STAB2: variants seen among roughly 807,000 people sequenced by gnomAD.
STAB2 encodes stabilin-2.
STAB2 carries 288 observed loss-of-function variants against 338.1 expected under a neutral mutation model. That is an observed-to-expected ratio of 0.85 (90% CI 0.77 to 0.94). The LOEUF is 0.94. Ranked by LOEUF, STAB2 falls within the 40% of genes least tolerant of loss-of-function variation. The pLI is 0.00. For missense variants in STAB2, 3,141 were observed against 3,210.1 expected, an observed-to-expected ratio of 0.98 and a Z score of 0.52; for synonymous variants, 1,202 against 1,193.3, an observed-to-expected ratio of 1.01 and a Z score of -0.15.
In STAB2 at chr12:103,677,478, G is replaced by A; in HGVS notation, c.2672G>A (p.Gly891Asp). 6.2e-7 allele frequency: 1 copy of A among 1,612,704 alleles called. No homozygotes were observed. The highest frequency in any genetic ancestry group is 1.1e-5 in the South Asian group (1 of 91,008). The change falls in exon 25 of 69, where the codon GGC becomes GAC. Residue 891 changes from glycine to aspartate, a missense_variant. Coordinates refer to ENST00000388887, the MANE Select transcript of STAB2 (RefSeq NM_017564.10). ...GCAGAATGCATCAAAACTGGCACGGGCACCCACACCTGCGTGTGTCAGCAG... is the reference window on the plus strand; with the variant it reads ...GCAGAATGCATCAAAACTGGCACGGACACCCACACCTGCGTGTGTCAGCAG... ...RNAECIKTGT[G>D]THTCVCQQGW...
chr12:103,726,267 T>G (rs1407998074), intron 46 of STAB2, 104 bp downstream of exon 46: 15 of 1,195,924 alleles, frequency 1.3e-5, no homozygotes, highest in Non-Finnish European at 1.7e-5. Flanking sequence ...GGCGGGCAGA[T>G]TGCCTGAGCT....
chr12:103,620,497 A>C lies in STAB2; in HGVS notation c.361A>C (p.Asn121His). Residue 121 changes from asparagine (N) to histidine (H), a missense_variant, in exon 4 of 69, where the codon AAT (asparagine) becomes CAT (histidine). Physicochemically the swap from Asn to His is moderately conservative, Grantham distance 68. Coordinates refer to ENST00000388887, the MANE Select transcript of STAB2 (RefSeq NM_017564.10). ...ECPGGAGSPC[N>H]GRGSCAEGME... ...CCCAGGTGGAGCGGGGTCACCCTGC[A>C]ATGGCAGAGGCAGTTGTGCTGAAGG... 1 of 1,585,110 alleles carries C rather than the reference A, an allele frequency of 6.3e-7. No homozygotes were observed. Among genetic ancestry groups the C allele is most frequent in the South Asian group, 1.2e-5 (1 of 86,808 alleles).
At chr12:103,601,994 A>G (rs1227886595) in intron 3 of STAB2, among the ~76,000 whole-genome samples, 1 of 152,230 alleles carries the variant, frequency 6.6e-6, no homozygotes, top group Non-Finnish European at 1.5e-5. Flanking sequence ...ATTTGCATAC[A>G]GTAAAACTCA....
chr12:103,645,899 G>C (rs753470711), intron 9 of STAB2, among the ~76,000 whole-genome samples: 1 of 151,752 alleles, frequency 6.6e-6, no homozygotes, highest in Non-Finnish European at 1.5e-5. Flanking sequence ...GGGGAGGGGG[G>C]GCAAAATTGC....
chr12:103,743,902 GC>G (rs987844340), intron 56 of STAB2, among the ~76,000 whole-genome samples: 4 of 152,134 alleles, frequency 2.6e-5, no homozygotes, highest in African/African-American at 9.7e-5. Context: ...GATCTTCTTG[GC>G]CAATGAAAAG....
At chr12:103,616,448 T>C (rs897217460) in intron 3 of STAB2, among the ~76,000 whole-genome samples, 1 of 152,050 alleles carries the variant, frequency 6.6e-6, no homozygotes, top group Admixed American at 6.6e-5. Context: ...ATGGAAAGAG[T>C]GCAAGATGGG....
At chr12:103,681,442 G>C (rs1316789018) in intron 25 of STAB2, among the ~76,000 whole-genome samples, 1 of 152,034 alleles carries the variant, frequency 6.6e-6, no homozygotes, top group Admixed American at 6.6e-5. Context: ...CATCAGGGTT[G>C]TTTCCATCTG....
chr12:103,643,973 C>G (rs1316708506), intron 9 of STAB2, among the ~76,000 whole-genome samples: 1 of 82,822 alleles, frequency 1.2e-5, no homozygotes, highest in Admixed American at 1.1e-4. Context: ...TCTGCCTGGC[C>G]GCCCCTACTG....
At chr12:103,746,887 G>A (rs558860074) in intron 58 of STAB2, among the ~76,000 whole-genome samples, 183 bp downstream of exon 58, 35 of 151,944 alleles carry the variant, frequency 2.3e-4, no homozygotes, top group Non-Finnish European at 4.7e-4. Flanking sequence ...TCACCCTCTA[G>A]GTCAGGGTTT....
chr12:103,738,501 A>C (rs1566062922), intron 53 of STAB2, among the ~76,000 whole-genome samples: 1 of 152,182 alleles, frequency 6.6e-6, no homozygotes, highest in Non-Finnish European at 1.5e-5. Context: ...TACATGGCAA[A>C]GTTTGTCACC....
chr12:103,702,068 G>A (rs1201404421), intron 34 of STAB2, among the ~76,000 whole-genome samples: 1 of 148,256 alleles, frequency 6.7e-6, no homozygotes, highest in Non-Finnish European at 1.5e-5. Context: ...AGTTATATAT[G>A]TGTTATATTA....
At chr12:103,747,619 A>T (rs1883171526) in intron 58 of STAB2, among the ~76,000 whole-genome samples, 1 of 152,224 alleles carries the variant, frequency 6.6e-6, no homozygotes, top group Non-Finnish European at 1.5e-5. Context: ...ATCATTGGTC[A>T]TGCCTAGCTA....
At chr12:103,608,298 C>G (rs1420924163) in intron 3 of STAB2, among the ~76,000 whole-genome samples, 1 of 152,120 alleles carries the variant, frequency 6.6e-6, no homozygotes, top group Non-Finnish European at 1.5e-5. Flanking sequence ...GCCTCCAAGC[C>G]TAGCTAATTT....
chr12:103,618,187 G>A (rs1957240246), intron 3 of STAB2, among the ~76,000 whole-genome samples: 1 of 152,164 alleles, frequency 6.6e-6, no homozygotes, highest in Non-Finnish European at 1.5e-5. Flanking sequence ...CAATGTGATT[G>A]TATTAAAAGG....
chr12:103,642,183 T>G (rs1872974016), intron 9 of STAB2, among the ~76,000 whole-genome samples: 1 of 152,192 alleles, frequency 6.6e-6, no homozygotes, highest in African/African-American at 2.4e-5. Context: ...GTATATAATA[T>G]GCTTTTAAAC....
chr12:103,648,652 T>C (rs201681496), intron 9 of STAB2, 38 bp from the exon 10 acceptor site: 10 of 1,603,750 alleles, frequency 6.2e-6, no homozygotes, highest in East Asian at 2.2e-5. Flanking sequence ...ACTCAATGGC[T>C]CTAAAACCCT....
chr12:103,650,263 T>G (rs1873636461), intron 10 of STAB2, among the ~76,000 whole-genome samples: 1 of 152,086 alleles, frequency 6.6e-6, no homozygotes, highest in Non-Finnish European at 1.5e-5. Context: ...AAGCTGAGGC[T>G]GTCTGCAGGA....
intron 9 of STAB2, among the ~76,000 whole-genome samples, chr12:103,641,647 GTC>G (rs1400155010): frequency 6.6e-6 from 1 of 152,122 alleles, no homozygotes; most frequent in Non-Finnish European, 1.5e-5. Context: ...CTCTGAGAAA[GTC>G]TAAATAGAAT....
chr12:103,698,117 T>C (rs1320647049), intron 33 of STAB2, among the ~76,000 whole-genome samples: 1 of 152,170 alleles, frequency 6.6e-6, no homozygotes, highest in Admixed American at 6.5e-5. Flanking sequence ...CAGGAAGGAC[T>C]GAGTTCCTCT....
Sources: gnomAD v4.1 joint callset for allele counts (sites outside exome capture counted in the v4.1 genomes callset) on GRCh38, gnomAD v4.1.1 for gene constraint, MANE v1.5 for transcripts, NCBI Gene and HGNC (gene_info 2026-07-23, HGNC 2026-07-21) for gene names.